The following AGAP1 variants were observed in gnomAD, a reference collection of about 807,000 sequenced individuals.
The protein encoded by AGAP1 is ArfGAP with GTPase domain, ankyrin repeat and PH domain 1.
In AGAP1, 29 loss-of-function variants were observed where a neutral mutation model predicts 105.3. The ratio of observed to expected loss-of-function variants is 0.28; its 90% confidence interval spans 0.21 to 0.38. AGAP1 has a LOEUF of 0.38. AGAP1 is among the 10% of genes least tolerant of loss of function. The pLI is 1.00. For synonymous variants in AGAP1, 509 were observed against 485.9 expected, an observed-to-expected ratio of 1.05 and a Z score of -0.63; for missense variants, 998 against 1,165.1, an observed-to-expected ratio of 0.86 and a Z score of 2.09.
chr2:235,672,961 CATG>C (rs1024009958), intron 1 of AGAP1, among the ~76,000 whole-genome samples: 13 of 152,134 alleles, frequency 8.5e-5, no homozygotes, highest in Non-Finnish European at 1.9e-4. Flanking sequence ...TGGTCTGAGA[CATG>C]ATATTACCAG....
chr2:235,943,013 C>G (rs1413866420), intron 12 of AGAP1, among the ~76,000 whole-genome samples: 1 of 152,138 alleles, frequency 6.6e-6, no homozygotes, highest in Non-Finnish European at 1.5e-5. Flanking sequence ...GAAGATTTGT[C>G]AAATATATGT....
In AGAP1 at chr2:236,051,478, A is replaced by G. The variant is rs1044066048; in HGVS notation, c.2114+2197A>G. Among the ~76,000 whole-genome samples, 2 of 150,974 alleles carry G rather than the reference A, an allele frequency of 1.3e-5. No homozygotes were observed. Among genetic ancestry groups the G allele is most frequent in the Admixed American group, 1.3e-4 (2 of 15,150 alleles). On this transcript the variant is annotated intron_variant, in intron 16 of 17. Coordinates refer to ENST00000304032, the MANE Select transcript of AGAP1 (RefSeq NM_001037131.3). This position sits in a 1 kb window ranked among gnomAD's most constrained non-coding sequence, Gnocchi z 5.9. ...GACTCTGAAATAGGGGGTGATTCCC[A>G]GGGCCAGGGCCAGGGGACCAGGTGG...
chr2:235,853,634 A>T (rs1474604559), intron 9 of AGAP1, among the ~76,000 whole-genome samples: 2 of 152,182 alleles, frequency 1.3e-5, no homozygotes, highest in African/African-American at 4.8e-5. Flanking sequence ...AGACAATATG[A>T]CTGAACAGTG....
chr2:235,629,215 A>C (rs1462278336), intron 1 of AGAP1, among the ~76,000 whole-genome samples: 4 of 151,600 alleles, frequency 2.6e-5, no homozygotes, highest in Non-Finnish European at 5.9e-5. Context: ...AATCTCATCC[A>C]GGTCACTGCA....
chr2:235,514,162 G>GCGCACACACACA (rs1003208197), intron 1 of AGAP1, among the ~76,000 whole-genome samples: 6 of 150,620 alleles, frequency 4.0e-5, no homozygotes, highest in African/African-American at 1.2e-4. Flanking sequence ...GTGCGCGCGC[G>GCGCACACACACA]CACACACACA....
At chr2:236,057,134 C>T (rs1466277427) in intron 16 of AGAP1, among the ~76,000 whole-genome samples, 6 of 151,998 alleles carry the variant, frequency 3.9e-5, no homozygotes, top group Admixed American at 6.5e-5. Context: ...TTTTTGGTGG[C>T]GTCTCTCTCT....
intron 1 of AGAP1, among the ~76,000 whole-genome samples, chr2:235,597,128 C>T (rs539744743): frequency 2.0e-5 from 3 of 152,332 alleles, no homozygotes; most frequent in Non-Finnish European, 4.4e-5. Context: ...GTTCCAGACT[C>T]CAGCTCCTGA....
rs1312663825 is a variant in AGAP1, at chr2:235,612,712, T to G, written c.164-96467T>G. On this transcript the variant is annotated intron_variant, in intron 1 of 17. Coordinates refer to ENST00000304032, the MANE Select transcript of AGAP1 (RefSeq NM_001037131.3). The surrounding 1 kb of genome is among the most constrained non-coding windows in gnomAD (Gnocchi z 4.3). ...GCTTGGGCACAGTGGTCCTTTTGCA[T>G]GGGGTGGCCGGCCAGGTGTGCTGAG... Among the ~76,000 whole-genome samples, 1 of 150,578 alleles carries G rather than the reference T, an allele frequency of 6.6e-6. No homozygotes were observed. Among genetic ancestry groups the G allele is most frequent in the Non-Finnish European group, 1.5e-5 (1 of 67,708 alleles).
At chr2:235,779,044 ATCATGCAGG>A (rs1956092282) in intron 6 of AGAP1, among the ~76,000 whole-genome samples, 1 of 152,234 alleles carries the variant, frequency 6.6e-6, no homozygotes, top group South Asian at 2.1e-4. Flanking sequence ...CTTGGTAAAG[ATCATGCAGG>A]TCATAAATTG....
chr2:235,816,808 T>A (rs1044599406), intron 9 of AGAP1, among the ~76,000 whole-genome samples: 1 of 151,638 alleles, frequency 6.6e-6, no homozygotes, highest in South Asian at 2.1e-4. Flanking sequence ...TGAGAATCGC[T>A]TGAACCCAGG....
At chr2:235,695,564 G>C (rs1352239494) in intron 1 of AGAP1, among the ~76,000 whole-genome samples, 1 of 152,162 alleles carries the variant, frequency 6.6e-6, no homozygotes, top group Non-Finnish European at 1.5e-5. Context: ...TTGATCTGTC[G>C]TGGAACTTTT....
At chr2:235,717,054 C>A (rs1951147087) in intron 2 of AGAP1, among the ~76,000 whole-genome samples, 1 of 152,100 alleles carries the variant, frequency 6.6e-6, no homozygotes, top group Admixed American at 6.5e-5. Context: ...TCCTCCACCC[C>A]CAGGTCTCCC....
At chr2:235,910,515 T>A (rs1275627850) in intron 11 of AGAP1, among the ~76,000 whole-genome samples, 5 of 151,750 alleles carry the variant, frequency 3.3e-5, no homozygotes, top group African/African-American at 9.7e-5. Flanking sequence ...AACTATGGGG[T>A]GGGAAGAGAG....
At position 235,983,120 on chromosome 2, in the gene AGAP1, C is replaced by G. The variant is rs577129994; in HGVS notation, c.1645+14497C>G. On this transcript the variant is annotated intron_variant, in intron 13 of 17. Coordinates refer to ENST00000304032, the MANE Select transcript of AGAP1 (RefSeq NM_001037131.3). The surrounding 1 kb of genome is among the most constrained non-coding windows in gnomAD (Gnocchi z 4.5). Reference sequence around the variant, plus strand: ...GCCATTTGCTGAGCAGGAAGCTGGCCTCAGGGGTCTCCCAGGATGCTGGGG... The same window carrying G: ...GCCATTTGCTGAGCAGGAAGCTGGCGTCAGGGGTCTCCCAGGATGCTGGGG... 2.8e-4 allele frequency among the ~76,000 whole-genome samples: 42 copies of G among 152,288 alleles called. No homozygotes were observed. Among genetic ancestry groups the G allele is most frequent in the African/African-American group, 9.6e-4 (40 of 41,550 alleles).
chr2:235,715,973 G>A (rs1454930355), intron 2 of AGAP1, among the ~76,000 whole-genome samples: 1 of 152,202 alleles, frequency 6.6e-6, no homozygotes, highest in East Asian at 1.9e-4. Flanking sequence ...GGTGGCGTAC[G>A]GATGTATATA....
intron 9 of AGAP1, among the ~76,000 whole-genome samples, chr2:235,858,822 CA>C (rs1335034965): frequency 2.0e-5 from 3 of 152,198 alleles, no homozygotes; most frequent in African/African-American, 2.4e-5. Flanking sequence ...ACCCAGAGAT[CA>C]GGGGCATCAA....
At position 235,930,967 on chromosome 2, in the gene AGAP1, T is replaced by A. The variant is rs368243488; in HGVS notation, c.1483+44T>A. The A allele has an allele frequency of 1.2e-4, 189 of 1,598,298 alleles. No individual in the cohort carries two copies. Among genetic ancestry groups the A allele is most frequent in the Non-Finnish European group, 1.4e-4 (163 of 1,171,648 alleles). ...CCACGGACCCGCAGCCACCTCAAGG[T>A]CCTTCGTTGTAAGCCAGGGGCTGGA... On this transcript the variant is annotated intron_variant, in intron 12 of 17. Transcript: ENST00000304032. This position sits in a 1 kb window ranked among gnomAD's most constrained non-coding sequence, Gnocchi z 7.9.
rs980534464 is a variant in AGAP1, at chr2:235,750,846, C to T, written c.673+358C>T. On this transcript the variant is annotated intron_variant, in intron 6 of 17. Coordinates refer to ENST00000304032, the MANE Select transcript of AGAP1 (RefSeq NM_001037131.3). The surrounding 1 kb of genome is among the most constrained non-coding windows in gnomAD (Gnocchi z 5.3). ...TTTATTGTAATTGCCCATTCTTAAT[C>T]CAGTCCCGTCCTTTAAAGCAGTTTA... is the stretch of plus-strand genomic sequence containing the variant. Among the ~76,000 whole-genome samples the T allele has an allele frequency of 2.0e-5, 3 of 152,096 alleles. No homozygotes were observed. Among genetic ancestry groups the T allele is most frequent in the Non-Finnish European group, 4.4e-5 (3 of 68,040 alleles).
intron 10 of AGAP1, among the ~76,000 whole-genome samples, chr2:235,902,487 AT>A (rs1334694231): frequency 3.3e-5 from 5 of 152,226 alleles, no homozygotes; most frequent in Admixed American, 2.6e-4. Flanking sequence ...AAGAAAAACT[AT>A]TTTTGAAATG....
Sources: allele counts gnomAD v4.1 joint callset (sites outside exome capture counted in the v4.1 genomes callset), GRCh38; gene constraint gnomAD v4.1.1; non-coding constraint Gnocchi (gnomAD v3.1); transcripts MANE v1.5; gene names NCBI Gene and HGNC (gene_info 2026-07-23, HGNC 2026-07-21).